Variants in RELN observed in about 807,000 individuals in gnomAD.
RELN encodes reelin.
RELN carries 108 observed loss-of-function variants against 427.6 expected under a neutral mutation model. The ratio of observed to expected loss-of-function variants is 0.25; its 90% CI spans 0.22 to 0.30. The LOEUF (loss-of-function observed/expected upper bound fraction) is 0.30. RELN is among the 10% of genes least tolerant of loss of function. The pLI is 1.00. For missense variants in RELN, 3,715 were observed against 4,302.8 expected (o/e 0.86, Z 3.82); for synonymous variants, 1,524 against 1,513.4 (o/e 1.01, Z -0.16).
intron 6 of RELN, among the ~76,000 whole-genome samples, chr7:103,748,448 A>T (rs777800668): frequency 6.6e-6 from 1 of 152,212 alleles, no homozygotes; most frequent in Non-Finnish European, 1.5e-5. Flanking sequence ...CACCAGAGTC[A>T]TCTCTCCTTT....
chr7:103,885,589 G>A (rs1276562429), intron 2 of RELN, among the ~76,000 whole-genome samples: 1 of 152,042 alleles, frequency 6.6e-6, no homozygotes, highest in Non-Finnish European at 1.5e-5. Context: ...GGCCTGTTGT[G>A]GGTTGGGGGA....
At chr7:103,473,134 G>A (rs1445578998) in intron 64 of RELN, 5 of 650,316 alleles carry the variant, frequency 7.7e-6, no homozygotes, top group Non-Finnish European at 2.9e-6. Context: ...GTCTTTTCAT[G>A]AGTGAGCTCT....
rs67498168 is a variant in RELN at position 103,987,074 on chromosome 7, C to CA, written c.226+2056dup. On this transcript the variant is annotated intron_variant, in intron 1 of 64. Transcript: ENST00000428762. The stretch of plus-strand genomic sequence containing the variant: ...TGTATTCTACCTGTAGAACATTTTA[C>CA]AAAAAAAAAAAAAAAAACTCTTACT... 8.3e-3 allele frequency among the ~76,000 whole-genome samples: 983 copies of CA among 119,034 alleles called. 36 individuals are homozygous for CA. Among genetic ancestry groups the CA allele is most frequent in the African/African-American group, 0.025 (835 of 32,852 alleles). 78.1% of individuals were successfully genotyped at this position (119,034 alleles called of 152,430 possible).
rs2117021067 is a variant in RELN, at chr7:103,496,667, G to A, written c.9052C>T (p.Arg3018Ter). ...LPEDALTNTTRLRWWQPFVIS... is the reference protein window; with the variant it reads ...LPEDALTNTT ...ACAAAAGGCTGCCACCAGCGAAGTC[G>A]AGTTGTGTTGGTGAGGGCATCTTCA... The change falls in exon 56 of 65, where the codon CGA (arginine) becomes TGA (stop). Residue 3018 changes from arginine to a stop codon, truncating the protein, a stop_gained. Coordinates refer to ENST00000428762, the MANE Select transcript of RELN (RefSeq NM_005045.4). LOFTEE classifies it high-confidence loss of function. The A allele has an allele frequency of 6.2e-7, 1 of 1,614,178 alleles. No individual in the cohort carries two copies. Among genetic ancestry groups the A allele is most frequent in the Non-Finnish European group, 8.5e-7 (1 of 1,180,026 alleles).
intron 2 of RELN, among the ~76,000 whole-genome samples, chr7:103,850,714 G>A (rs1267261656): frequency 1.3e-5 from 2 of 152,068 alleles, no homozygotes; most frequent in Non-Finnish European, 2.9e-5. Flanking sequence ...TATACAAATG[G>A]CCAACAAACA....
intron 2 of RELN, among the ~76,000 whole-genome samples, chr7:103,862,473 A>C (rs1241698543): frequency 1.4e-5 from 2 of 144,994 alleles, no homozygotes; most frequent in African/African-American, 5.2e-5. Flanking sequence ...CTATCTTCTC[A>C]ATCTTTCTCC....
chr7:103,859,959 T>A (rs1415699643), intron 2 of RELN, among the ~76,000 whole-genome samples: 1 of 152,154 alleles, frequency 6.6e-6, no homozygotes, highest in Non-Finnish European at 1.5e-5. Flanking sequence ...TTAACATTCC[T>A]CAAATCCCCA....
chr7:103,904,134 C>T (rs1795142778), intron 2 of RELN, among the ~76,000 whole-genome samples: 1 of 152,120 alleles, frequency 6.6e-6, no homozygotes, highest in South Asian at 2.1e-4. Context: ...TGTTAGTTTG[C>T]TGAGGATGAT....
intron 60 of RELN, among the ~76,000 whole-genome samples, chr7:103,488,868 C>T (rs1035204404): frequency 6.7e-4 from 102 of 152,176 alleles, no homozygotes; most frequent in African/African-American, 2.4e-3. Context: ...AGATAATAAG[C>T]GACTGAAGAA....
At chr7:103,509,060 G>A (rs755537543) in intron 51 of RELN, among the ~76,000 whole-genome samples, 3 of 152,132 alleles carry the variant, frequency 2.0e-5, no homozygotes, top group African/African-American at 7.2e-5. Context: ...AACCAATATC[G>A]TGAAAATGGC....
intron 11 of RELN, among the ~76,000 whole-genome samples, chr7:103,675,891 G>C (rs983132527): frequency 1.4e-4 from 22 of 151,986 alleles, no homozygotes; most frequent in Non-Finnish European, 2.4e-4. Flanking sequence ...ATTAATTCAA[G>C]ATGGATTAAA....
At chr7:103,986,594 T>G (rs974572224) in intron 1 of RELN, among the ~76,000 whole-genome samples, 2 of 144,136 alleles carry the variant, frequency 1.4e-5, no homozygotes, top group Non-Finnish European at 3.0e-5. Flanking sequence ...GGTGCTATTG[T>G]GCACACCACC....
At chr7:103,858,921 A>G (rs1196317341) in intron 2 of RELN, among the ~76,000 whole-genome samples, 3 of 152,214 alleles carry the variant, frequency 2.0e-5, no homozygotes, top group Admixed American at 6.5e-5. Context: ...ATTTTACTAT[A>G]CTTAATGAAG....
intron 4 of RELN, among the ~76,000 whole-genome samples, chr7:103,767,580 G>A (rs1791457243): frequency 6.6e-6 from 1 of 152,174 alleles, no homozygotes. Flanking sequence ...AGAGACAGAT[G>A]TATTAGGTCT....
At chr7:103,794,003 G>C (rs770217301) in intron 3 of RELN, among the ~76,000 whole-genome samples, 41 of 152,128 alleles carry the variant, frequency 2.7e-4, no homozygotes, top group Non-Finnish European at 5.4e-4. Flanking sequence ...CTGGCCTCAA[G>C]TGATCCACCT....
chr7:103,500,676 T>C (rs916114609), intron 53 of RELN, 69 bp downstream of exon 53: 7 of 1,491,106 alleles, frequency 4.7e-6, no homozygotes, highest in Middle Eastern at 2.3e-4. Context: ...TTATGTCTCA[T>C]ACATAAGTTG....
chr7:103,668,986 T>A (rs920100141), intron 11 of RELN, among the ~76,000 whole-genome samples: 7 of 152,324 alleles, frequency 4.6e-5, no homozygotes, highest in Non-Finnish European at 8.8e-5. Flanking sequence ...AGATTAGTAG[T>A]CTTTTTCTTT....
intron 1 of RELN, among the ~76,000 whole-genome samples, chr7:103,940,649 G>C (rs1164474218): frequency 6.6e-6 from 1 of 152,154 alleles, no homozygotes; most frequent in East Asian, 1.9e-4. Context: ...GCACCTTGAG[G>C]CATAAACCTC....
Position 103,953,829 on chromosome 7 carries a change from G to A in RELN, c.226+35302C>T, listed in dbSNP as rs1461750613. Among the ~76,000 whole-genome samples the A allele has an allele frequency of 6.6e-6, 1 of 152,134 alleles. No homozygotes were observed. The stretch of plus-strand genomic sequence containing the variant: ...CGCCTATAATCCCAACTACTCGGGA[G>A]ACTGAGGCAGGAGAATCCCCTCAAC... On this transcript the variant is annotated intron_variant, in intron 1 of 64. Coordinates refer to ENST00000428762, the MANE Select transcript of RELN (RefSeq NM_005045.4). This position sits in a 1 kb window ranked among gnomAD's most constrained non-coding sequence, Gnocchi z 4.3.
Sources: allele counts gnomAD v4.1 joint callset (sites outside exome capture counted in the v4.1 genomes callset), GRCh38; gene constraint gnomAD v4.1.1; non-coding constraint Gnocchi (gnomAD v3.1); transcripts MANE v1.5; gene names NCBI Gene and HGNC (gene_info 2026-07-23, HGNC 2026-07-21).